The following ARGLU1 variants were observed in gnomAD, a reference collection of about 807,000 sequenced individuals.
ARGLU1 encodes the protein arginine and glutamate rich 1.
In ARGLU1, 9 loss-of-function variants were observed where a neutral mutation model predicts 37.6. The ratio of observed to expected loss-of-function variants is 0.24; its 90% CI spans 0.14 to 0.42. The LOEUF (loss-of-function observed/expected upper bound fraction) is 0.42, where lower values mean the gene tolerates loss of function less well. Among genes scored for constraint, ARGLU1 ranks in the 10% least tolerant of loss-of-function variants. ARGLU1 has a pLI of 1.00. For missense variants in ARGLU1, 211 were observed against 359.2 expected (o/e 0.59, Z 3.34); for synonymous variants, 166 against 138.5 (o/e 1.20, Z -1.39).
intron 3 of ARGLU1, 55 bp downstream of exon 3, chr13:106,556,992 GA>G (rs1555327047): frequency 3.4e-6 from 5 of 1,489,746 alleles, no homozygotes; most frequent in Admixed American, 1.7e-5. Context: ...CACAAAATCC[GA>G]AAAAAGGAAA....
At chr13:106,555,923 C>T (rs1351939611) in intron 3 of ARGLU1, among the ~76,000 whole-genome samples, 1 of 152,128 alleles carries the variant, frequency 6.6e-6, no homozygotes, top group Non-Finnish European at 1.5e-5. Context: ...ATTTAACTGT[C>T]AACCATATTT....
At chr13:106,549,003 G>T (rs1339356566) in intron 3 of ARGLU1, among the ~76,000 whole-genome samples, 4 of 152,100 alleles carry the variant, frequency 2.6e-5, no homozygotes, top group Non-Finnish European at 5.9e-5. Context: ...CGCCTGCCCT[G>T]GCCTCCCAAA....
chr13:106,554,767 C>A (rs570775729), intron 3 of ARGLU1, among the ~76,000 whole-genome samples: 1 of 151,790 alleles, frequency 6.6e-6, no homozygotes, highest in Non-Finnish European at 1.5e-5. Flanking sequence ...CACCTGTAGT[C>A]CCAGCTACTC....
At chr13:106,544,549 G>A (rs571545596) in intron 3 of ARGLU1, among the ~76,000 whole-genome samples, 1 of 131,588 alleles carries the variant, frequency 7.6e-6, no homozygotes, top group East Asian at 2.0e-4. Flanking sequence ...CAAATCACAT[G>A]TTGAGATGAC....
chr13:106,562,477 T>C (rs1476825751), intron 1 of ARGLU1, among the ~76,000 whole-genome samples: 3 of 152,068 alleles, frequency 2.0e-5, no homozygotes, highest in Non-Finnish European at 4.4e-5. Context: ...AAAATAGGTA[T>C]CATCTAACAG....
intron 2 of ARGLU1, chr13:106,558,318 A>G (rs1880708523): frequency 1.0e-6 from 1 of 984,990 alleles, no homozygotes; most frequent in Non-Finnish European, 1.2e-6. Context: ...ATGTATATCT[A>G]GTTAAAGACA....
intron 3 of ARGLU1, 36 bp from the exon 4 acceptor site, chr13:106,544,196 TA>T: frequency 6.7e-7 from 1 of 1,490,102 alleles, no homozygotes; most frequent in South Asian, 1.4e-5. Context: ...TATAGAAATG[TA>T]TTAAAAATTA....
Position 106,568,050 on chromosome 13 carries a change from T to C in ARGLU1, c.-131A>G, listed in dbSNP as rs1881026965. ...AAGAAAGGTGTCGGCCAACGGACTT[T>C]ATGCCTTTTCCCGGCGTCTACAGCT... On this transcript the variant is annotated 5_prime_UTR_variant, in exon 1 of 4. The change creates a new upstream start codon in the 5' untranslated region. Transcript: ENST00000400198. 3.7e-6 allele frequency: 5 copies of C among 1,363,310 alleles called. No individual in the cohort carries two copies. The highest frequency in any genetic ancestry group is 3.1e-5 in the South Asian group (2 of 64,420). 84.5% of individuals were successfully genotyped at this position (1,363,310 alleles called of 1,614,324 possible).
Position 106,567,699 on chromosome 13 carries a change from C to T in ARGLU1, c.221G>A (p.Arg74His). Residue 74 changes from arginine (R) to histidine (H), a missense_variant, in exon 1 of 4, where the codon CGC becomes CAC. This residue lies in a region of ARGLU1 where 130 missense variants were observed against 179.8 expected (regional missense o/e 0.72). Transcript: ENST00000400198. The surrounding 1 kb of genome is among the most constrained non-coding windows in gnomAD (Gnocchi z 4.3). Reference protein sequence around the residue: ...AVSRRERDRERASSPPDRIDI... With the variant: ...AVSRRERDREHASSPPDRIDI... ...GATGCGGTCGGGCGGGGACGAGGCG[C>T]GCTCCCGGTCCCGCTCGCGCCGGGA... 1 of 1,612,718 alleles carries T rather than the reference C, an allele frequency of 6.2e-7. No individual in the cohort carries two copies. The highest frequency in any genetic ancestry group is 8.5e-7 in the Non-Finnish European group (1 of 1,179,416).
In ARGLU1 at chr13:106,568,131, C is replaced by T; in HGVS notation, c.-212G>A. ...GTAGCGCCAGGCGCCCCTAAGATGG[C>T]AGCTGCGGCTGCACCGGCCGCCCTT... On this transcript the variant is annotated 5_prime_UTR_variant, in exon 1 of 4. Coordinates refer to ENST00000400198, the MANE Select transcript of ARGLU1 (RefSeq NM_018011.4). The T allele has an allele frequency of 1.4e-6, 1 of 697,628 alleles. No individual in the cohort carries two copies. The highest frequency in any genetic ancestry group is 3.9e-5 in the Admixed American group (1 of 25,614). 43.2% of individuals were successfully genotyped at this position (697,628 alleles called of 1,614,324 possible). A position where few individuals can be genotyped will look rare whatever the true frequency, so the allele number is the denominator to read the frequency against.
intron 2 of ARGLU1, chr13:106,558,926 A>G (rs1262844733): frequency 1.0e-6 from 1 of 985,308 alleles, no homozygotes; most frequent in African/African-American, 1.7e-5. Context: ...GGAGTGAGGG[A>G]TAAAAGAAGG....
At position 106,543,683 on chromosome 13, in the gene ARGLU1, G is replaced by C. The variant is rs187663052; in HGVS notation, c.*313C>G. ...TATAACTCTGAAGTCAGTGGGGTCAGTAAAAGCCTTATCAGACCATCCATA... is the reference window on the plus strand; with the variant it reads ...TATAACTCTGAAGTCAGTGGGGTCACTAAAAGCCTTATCAGACCATCCATA... On this transcript the variant is annotated 3_prime_UTR_variant, in exon 4 of 4. Transcript: ENST00000400198. 5 of 201,346 alleles carry C rather than the reference G, an allele frequency of 2.5e-5. No individual in the cohort carries two copies. The highest frequency in any genetic ancestry group is 6.0e-5 in the Admixed American group (1 of 16,546). 12.5% of individuals were successfully genotyped at this position (201,346 alleles called of 1,614,324 possible). A position where few individuals can be genotyped will look rare whatever the true frequency, so the allele number is the denominator to read the frequency against.
chr13:106,567,729 G>A lies in ARGLU1; in HGVS notation c.191C>T (p.Ala64Val), dbSNP rs1881016684. The change falls in exon 1 of 4, where the codon GCC (alanine) becomes GTC (valine). Residue 64 changes from alanine to valine, a missense_variant. By Grantham distance (64) the Ala-to-Val change is moderately conservative. Transcript: ENST00000400198. The surrounding 1 kb of genome is among the most constrained non-coding windows in gnomAD (Gnocchi z 4.3). ...SRSRSRSTNT[A>V]VSRRERDRER... ...CCGGTCCCGCTCGCGCCGGGACACG[G>A]CCGTGTTGGTGGAGCGCGAACGGGA... 6.2e-6 allele frequency: 10 copies of A among 1,612,376 alleles called. No homozygotes were observed. Among genetic ancestry groups the A allele is most frequent in the Non-Finnish European group, 7.6e-6 (9 of 1,179,330 alleles).
In ARGLU1 at chr13:106,567,023, A is replaced by C. The variant is rs1346943580; in HGVS notation, c.347+550T>G. ...CCCAACACCTTAACAACAGGAATACACTAAAGTGAAAATGCATTTTTCTGG... is the reference window on the plus strand; with the variant it reads ...CCCAACACCTTAACAACAGGAATACCCTAAAGTGAAAATGCATTTTTCTGG... On this transcript the variant is annotated intron_variant, in intron 1 of 3. Transcript: ENST00000400198. The surrounding 1 kb of genome is among the most constrained non-coding windows in gnomAD (Gnocchi z 4.3). Among the ~76,000 whole-genome samples the C allele has an allele frequency of 6.6e-6, 1 of 152,092 alleles. No individual in the cohort carries two copies. Among genetic ancestry groups the C allele is most frequent in the Admixed American group, 6.5e-5 (1 of 15,276 alleles).
intron 1 of ARGLU1, among the ~76,000 whole-genome samples, chr13:106,560,187 A>G (rs1042331722): frequency 3.1e-4 from 47 of 152,332 alleles, no homozygotes; most frequent in African/African-American, 1.1e-3. Flanking sequence ...AAATATGACC[A>G]ACTTAAGTTT....
chr13:106,563,760 A>C (rs1382487613), intron 1 of ARGLU1, among the ~76,000 whole-genome samples: 1 of 152,180 alleles, frequency 6.6e-6, no homozygotes, highest in Non-Finnish European at 1.5e-5. Flanking sequence ...TTTTCTCCTA[A>C]AAGCTCTTCT....
At chr13:106,564,317 A>G (rs571198799) in intron 1 of ARGLU1, among the ~76,000 whole-genome samples, 8 of 152,316 alleles carry the variant, frequency 5.3e-5, no homozygotes, top group Admixed American at 3.3e-4. Flanking sequence ...CACCTACTTT[A>G]AATACATCAT....
At chr13:106,544,696 C>T (rs920522107) in intron 3 of ARGLU1, among the ~76,000 whole-genome samples, 5 of 152,038 alleles carry the variant, frequency 3.3e-5, no homozygotes, top group Non-Finnish European at 7.4e-5. Context: ...GAAGGGCATA[C>T]ACACACACAA....
chr13:106,563,294 G>A (rs1880866598), intron 1 of ARGLU1, among the ~76,000 whole-genome samples: 1 of 152,086 alleles, frequency 6.6e-6, no homozygotes. Context: ...TATGCAGTGG[G>A]TATGTATCCC....
Sources: allele counts gnomAD v4.1 joint callset (sites outside exome capture counted in the v4.1 genomes callset), GRCh38; gene constraint gnomAD v4.1.1; regional missense constraint gnomAD v4.1.1; non-coding constraint Gnocchi (gnomAD v3.1); transcripts MANE v1.5; gene names NCBI Gene and HGNC (gene_info 2026-07-23, HGNC 2026-07-21).